Variants in FOXP2 observed in about 807,000 individuals in gnomAD.
FOXP2 encodes forkhead box protein P2.
FOXP2 carries 12 observed loss-of-function variants against 115.8 expected under a neutral mutation model. The observed-to-expected ratio is 0.10, with a 90% CI of 0.07 to 0.17. The LOEUF is 0.17. FOXP2 is among the 10% of genes least tolerant of loss of function. FOXP2 has a pLI of 1.00. For missense variants in FOXP2, 629 were observed against 843.5 expected (o/e 0.75, Z 3.15); for synonymous variants, 328 against 297.7 (o/e 1.10, Z -1.05).
chr7:114,570,504 T>A (rs1801244612), intron 3 of FOXP2, among the ~76,000 whole-genome samples: 1 of 151,924 alleles, frequency 6.6e-6, no homozygotes, highest in Non-Finnish European at 1.5e-5. Context: ...GTATTTATGA[T>A]TCTTAGCTTA....
intron 2 of FOXP2, among the ~76,000 whole-genome samples, chr7:114,471,692 G>A (rs935186614): frequency 2.0e-5 from 3 of 151,682 alleles, no homozygotes; most frequent in African/African-American, 7.3e-5. Context: ...GTTCACGCTT[G>A]TAATCCCAGC....
At chr7:114,271,683 AT>A (rs563936584) in intron 1 of FOXP2, among the ~76,000 whole-genome samples, 1,801 of 117,632 alleles carry the variant, frequency 0.015, 22 homozygotes, top group African/African-American at 0.031. Context: ...TTAAAATTAT[AT>A]TTAATAATAT....
chr7:114,414,892 T>TCA lies in FOXP2; in HGVS notation c.-469_-468dup, dbSNP rs1489192578. 2.9e-6 allele frequency: 1 copy of TCA among 348,740 alleles called. No homozygotes were observed. The highest frequency in any genetic ancestry group is 5.7e-6 in the Non-Finnish European group (1 of 176,046). The allele number at this position is 348,740 out of a possible 1,614,324, so 21.6% of individuals were successfully genotyped here. A position where few individuals can be genotyped will look rare whatever the true frequency, so the allele number is the denominator to read the frequency against. ...CTCTCTCTCTCTGTCTTTCTCTCTC[T>TCA]CACACACACACTCACACACTCACAC... On this transcript the variant is annotated 5_prime_UTR_variant, in exon 1 of 17. It introduces an in-frame stop codon into an upstream open reading frame of the 5' UTR. Coordinates refer to ENST00000350908, the MANE Select transcript of FOXP2 (RefSeq NM_014491.4).
rs747784399 is a variant in FOXP2 at position 114,653,940 on chromosome 7, C to T, written c.1197C>T (p.Arg399=). 5.0e-6 allele frequency: 8 copies of T among 1,612,922 alleles called. No individual in the cohort carries two copies. The highest frequency in any genetic ancestry group is 3.3e-5 in the Admixed American group (2 of 59,924). ...QQLEIQLSKE[R]ERLQAMMTHL... is the part of the protein sequence containing the mutation. ...TTTCTTAACAGCTTTCTAAAGAACG[C>T]GAACGTCTTCAAGCAATGATGACCC... is the stretch of plus-strand genomic sequence containing the variant. The change falls in exon 10 of 17, where the codon CGC becomes CGT. Residue 399 remains arginine (R), a synonymous_variant. Coordinates refer to ENST00000350908, the MANE Select transcript of FOXP2 (RefSeq NM_014491.4).
intron 2 of FOXP2, among the ~76,000 whole-genome samples, chr7:114,503,077 C>T (rs1001805088): frequency 6.6e-6 from 1 of 151,862 alleles, no homozygotes; most frequent in Non-Finnish European, 1.5e-5. Context: ...ATGGCACAGC[C>T]GAAAGTAGCA....
chr7:114,671,459 T>C (rs1302453243), intron 16 of FOXP2, among the ~76,000 whole-genome samples: 2 of 152,170 alleles, frequency 1.3e-5, no homozygotes, highest in Non-Finnish European at 2.9e-5. Flanking sequence ...TCCCACAATT[T>C]AGGCAAAGTG....
At chr7:114,345,109 T>C (rs376627968) in intron 2 of FOXP2, among the ~76,000 whole-genome samples, 2 of 151,974 alleles carry the variant, frequency 1.3e-5, no homozygotes, top group African/African-American at 4.8e-5. Flanking sequence ...CAAATAGGGA[T>C]ACTGAAAATA....
intron 2 of FOXP2, among the ~76,000 whole-genome samples, chr7:114,353,955 G>T (rs989373148): frequency 1.3e-5 from 2 of 152,084 alleles, no homozygotes; most frequent in Admixed American, 6.6e-5. Flanking sequence ...TGGGCCGAGG[G>T]ATGACCAAAG....
At chr7:114,626,800 A>C (rs1407946728) in intron 3 of FOXP2, among the ~76,000 whole-genome samples, 1 of 151,914 alleles carries the variant, frequency 6.6e-6, no homozygotes, top group Non-Finnish European at 1.5e-5. Context: ...CAAGGAGTTA[A>C]GTAAATTGAC....
chr7:114,363,962 T>C (rs1370326258), intron 2 of FOXP2, among the ~76,000 whole-genome samples: 3 of 152,238 alleles, frequency 2.0e-5, no homozygotes, highest in African/African-American at 7.2e-5. Context: ...GTTAGACTTT[T>C]ATTTAATTCA....
At chr7:114,581,030 G>C (rs1328394793) in intron 3 of FOXP2, among the ~76,000 whole-genome samples, 1 of 151,084 alleles carries the variant, frequency 6.6e-6, no homozygotes, top group Admixed American at 6.6e-5. Context: ...AGAACCAGGA[G>C]CCAGCAGTCA....
rs562436947 is a variant in FOXP2 at position 114,307,455 on chromosome 7, A to C, written c.-11+19346A>C. 3.2e-4 allele frequency among the ~76,000 whole-genome samples: 48 copies of C among 152,272 alleles called. 1 individual carries two copies. In the South Asian group the frequency reaches 8.7e-3, roughly 28 times the overall value. ...TACACTGATATTTAGTGTCATTACC[A>C]ATAATTGCAGGGGGAAACAGGTGGA... is the stretch of plus-strand genomic sequence containing the variant. On this transcript the variant is annotated intron_variant, in intron 2 of 17. Transcript: ENST00000634411.
chr7:114,145,273 G>A (rs763900947), intron 1 of FOXP2, among the ~76,000 whole-genome samples: 5 of 151,992 alleles, frequency 3.3e-5, no homozygotes, highest in Non-Finnish European at 7.4e-5. Flanking sequence ...TTAAGACATT[G>A]ATCAGTAGTC....
chr7:114,493,373 T>C (rs949201667), intron 2 of FOXP2, among the ~76,000 whole-genome samples: 1 of 152,116 alleles, frequency 6.6e-6, no homozygotes, highest in African/African-American at 2.4e-5. Flanking sequence ...ACCCATAGAA[T>C]GTAAAACAGC....
rs575344612 is a variant in FOXP2 at position 114,459,817 on chromosome 7, T to G, written c.168+33138T>G. On this transcript the variant is annotated intron_variant, in intron 2 of 16. Transcript: ENST00000350908. Reference sequence around the variant, plus strand: ...TATTAGGAGAGACAGGGATTCACCATGTTGGTCCGGTTGATCTCGAACCGC... The same window carrying G: ...TATTAGGAGAGACAGGGATTCACCAGGTTGGTCCGGTTGATCTCGAACCGC... Among the ~76,000 whole-genome samples, 3 of 152,276 alleles carry G rather than the reference T, an allele frequency of 2.0e-5. No individual in the cohort carries two copies. In the South Asian group the frequency reaches 6.2e-4, roughly 32 times the overall value.
chr7:114,305,460 CAG>C (rs1796990694), intron 2 of FOXP2, among the ~76,000 whole-genome samples: 3 of 152,082 alleles, frequency 2.0e-5, no homozygotes, highest in South Asian at 4.1e-4. Context: ...AATTCTGTAA[CAG>C]AGAAATACAG....
At chr7:114,632,497 C>T (rs1158816966) in intron 6 of FOXP2, among the ~76,000 whole-genome samples, 4 of 152,240 alleles carry the variant, frequency 2.6e-5, no homozygotes, top group Non-Finnish European at 4.4e-5. Context: ...GATATTCTAA[C>T]TTGCATTTGG....
chr7:114,211,022 C>T (rs1794332610), intron 1 of FOXP2, among the ~76,000 whole-genome samples: 1 of 152,140 alleles, frequency 6.6e-6, no homozygotes, highest in Admixed American at 6.5e-5. Flanking sequence ...TCTACCTAAA[C>T]GCAGAGATGA....
At chr7:114,340,432 A>G (rs547010937) in intron 2 of FOXP2, among the ~76,000 whole-genome samples, 86 of 151,336 alleles carry the variant, frequency 5.7e-4, no homozygotes, top group Admixed American at 9.9e-4. Context: ...GATGGTAAAT[A>G]TATTTTCTTT....
Sources: allele counts gnomAD v4.1 joint callset (sites outside exome capture counted in the v4.1 genomes callset), GRCh38; gene constraint gnomAD v4.1.1; transcripts MANE v1.5; gene names NCBI Gene and HGNC (gene_info 2026-07-23, HGNC 2026-07-21).